CPXM2: variants seen among roughly 807,000 people sequenced by gnomAD.
The protein encoded by CPXM2 is inactive carboxypeptidase-like protein X2.
A neutral mutation model predicts 86.1 loss-of-function variants in CPXM2; 66 were observed. That is an observed-to-expected ratio of 0.77 (90% CI 0.63 to 0.94). The LOEUF is 0.94. Among genes scored for constraint, CPXM2 ranks in the 40% least tolerant of loss-of-function variants. The pLI is 0.00. For synonymous variants in CPXM2, 388 were observed against 400.2 expected, an observed-to-expected ratio of 0.97 and a Z score of 0.36; for missense variants, 948 against 1,026.3, an observed-to-expected ratio of 0.92 and a Z score of 1.04.
At chr10:123,764,265 C>T (rs975754363) in intron 10 of CPXM2, among the ~76,000 whole-genome samples, 5 of 152,156 alleles carry the variant, frequency 3.3e-5, no homozygotes, top group African/African-American at 1.2e-4. Context: ...TTCTTATCTC[C>T]ATGTAGTCGA....
intron 6 of CPXM2, among the ~76,000 whole-genome samples, chr10:123,790,096 T>C (rs1847172264): frequency 6.6e-6 from 1 of 151,836 alleles, no homozygotes; most frequent in Admixed American, 6.6e-5. Flanking sequence ...CCAACCTGGG[T>C]GGACAGAGCA....
upstream of CPXM2, among the ~76,000 whole-genome samples, chr10:123,942,547 A>C (rs1425186396): frequency 6.6e-6 from 1 of 152,232 alleles, no homozygotes; most frequent in Non-Finnish European, 1.5e-5. Context: ...GACAGTTTAC[A>C]AATGCCATTG....
chr10:123,913,719 G>GA, intron 2 of CPXM2: 1 of 219,878 alleles, frequency 4.5e-6, no homozygotes, highest in Non-Finnish European at 9.3e-6. Context: ...TGGGGAGCGA[G>GA]AAAAAGAGAA....
rs557787112 is a variant in CPXM2 at position 123,746,629 on chromosome 10, C to G, written c.*135G>C. On this transcript the variant is annotated 3_prime_UTR_variant, in exon 14 of 14. Transcript: ENST00000241305. ...CTCCAGCCTTCCCTTTTGGGACCTGCCTCACAATGCACCCTCTCTTCCAGG... is the reference window on the plus strand; with the variant it reads ...CTCCAGCCTTCCCTTTTGGGACCTGGCTCACAATGCACCCTCTCTTCCAGG... 1.4e-5 allele frequency: 12 copies of G among 828,888 alleles called. No homozygotes were observed. The South Asian group carries it at 1.9e-4, about 13-fold the overall frequency. 51.3% of individuals were successfully genotyped at this position (828,888 alleles called of 1,614,324 possible). A position where few individuals can be genotyped will look rare whatever the true frequency, so the allele number is the denominator to read the frequency against.
At chr10:123,860,168 G>A (rs1451275255) in intron 3 of CPXM2, among the ~76,000 whole-genome samples, 1 of 152,146 alleles carries the variant, frequency 6.6e-6, no homozygotes, top group East Asian at 1.9e-4. Context: ...AGACCAACCT[G>A]GGACTTTCCT....
At chr10:123,756,073 C>T (rs1228995856) in intron 12 of CPXM2, among the ~76,000 whole-genome samples, 1 of 152,154 alleles carries the variant, frequency 6.6e-6, no homozygotes, top group East Asian at 1.9e-4. Flanking sequence ...AATCCTGGTG[C>T]CAACCTCTGC....
chr10:123,880,071 A>T, intron 2 of CPXM2, 140 bp downstream of exon 2: 1 of 593,782 alleles, frequency 1.7e-6, no homozygotes, highest in Non-Finnish European at 3.0e-6. Context: ...CGCACCATGG[A>T]TCGGAATAGA....
intron 4 of CPXM2, among the ~76,000 whole-genome samples, chr10:123,802,411 A>T (rs1847479242): frequency 6.6e-6 from 1 of 152,192 alleles, no homozygotes; most frequent in African/African-American, 2.4e-5. Context: ...AGGTTTATAA[A>T]GGCTTTGTTC....
intron 1 of CPXM2, among the ~76,000 whole-genome samples, chr10:123,888,726 A>G (rs1205255433): frequency 6.6e-6 from 1 of 152,240 alleles, no homozygotes; most frequent in East Asian, 1.9e-4. Flanking sequence ...AAAGGACAGG[A>G]GTTAAAAATA....
intron 1 of CPXM2, among the ~76,000 whole-genome samples, chr10:123,888,939 A>G (rs1285002809): frequency 6.6e-6 from 1 of 152,222 alleles, no homozygotes; most frequent in Non-Finnish European, 1.5e-5. Flanking sequence ...GGCTGCGGTG[A>G]ACTGGGCAAT....
intron 3 of CPXM2, among the ~76,000 whole-genome samples, chr10:123,853,713 C>T (rs758901423): frequency 2.0e-5 from 3 of 152,064 alleles, no homozygotes; most frequent in Non-Finnish European, 4.4e-5. Flanking sequence ...GAGACCAGCC[C>T]GGCCAACATG....
intron 4 of CPXM2, among the ~76,000 whole-genome samples, chr10:123,818,727 G>C (rs139141717): frequency 0.014 from 2,124 of 152,314 alleles, 20 homozygotes; most frequent in Middle Eastern, 0.027. Context: ...CAGTTGGATT[G>C]ATAGAATGGT....
upstream of CPXM2, among the ~76,000 whole-genome samples, chr10:123,941,843 C>T (rs542679764): frequency 1.3e-5 from 2 of 152,318 alleles, no homozygotes; most frequent in East Asian, 1.9e-4. Flanking sequence ...TTCTCTGAAC[C>T]GCATCTGAGA....
At chr10:123,787,464 A>G (rs368125642) in intron 6 of CPXM2, among the ~76,000 whole-genome samples, 8 of 152,082 alleles carry the variant, frequency 5.3e-5, no homozygotes, top group South Asian at 4.2e-4. Context: ...CTCCTGAGTA[A>G]CTGGGATTAC....
At chr10:123,896,682 A>T (rs1945340662), upstream of CPXM2, among the ~76,000 whole-genome samples, 1 of 152,186 alleles carries the variant, frequency 6.6e-6, no homozygotes, top group African/African-American at 2.4e-5. Flanking sequence ...GGCATGAGAT[A>T]TTCCATTTGT....
At chr10:123,782,671 G>A (rs956793489) in intron 6 of CPXM2, among the ~76,000 whole-genome samples, 5 of 152,150 alleles carry the variant, frequency 3.3e-5, no homozygotes, top group East Asian at 1.9e-4. Context: ...AGACAGAGCC[G>A]GTTAGTCATC....
At chr10:123,841,492 C>G (rs1848384800) in intron 4 of CPXM2, among the ~76,000 whole-genome samples, 1 of 152,188 alleles carries the variant, frequency 6.6e-6, no homozygotes, top group Non-Finnish European at 1.5e-5. Flanking sequence ...ACCTCTGTAC[C>G]TCTTCAACAT....
At chr10:123,910,445 G>C in intron 2 of CPXM2, among the ~76,000 whole-genome samples, 1 of 152,044 alleles carries the variant, frequency 6.6e-6, no homozygotes, top group East Asian at 1.9e-4. Flanking sequence ...GAGATTCTCG[G>C]AACTGCACCC....
intron 2 of CPXM2, among the ~76,000 whole-genome samples, chr10:123,919,983 C>T (rs1945568049): frequency 2.0e-5 from 3 of 152,164 alleles, no homozygotes; most frequent in Admixed American, 2.0e-4. Context: ...TCACTCATTA[C>T]CACAAGGACA....
Sources: gnomAD v4.1 joint callset for allele counts (sites outside exome capture counted in the v4.1 genomes callset) on GRCh38, gnomAD v4.1.1 for gene constraint, MANE v1.5 for transcripts, NCBI Gene and HGNC (gene_info 2026-07-23, HGNC 2026-07-21) for gene names.